The following SPHKAP variants were observed in gnomAD, a reference collection of about 807,000 sequenced individuals.
The protein encoded by SPHKAP is A-kinase anchor protein SPHKAP.
SPHKAP carries 67 observed loss-of-function variants against 137.5 expected under a neutral mutation model. The ratio of observed to expected loss-of-function variants is 0.49; its 90% CI spans 0.40 to 0.60. The LOEUF (loss-of-function observed/expected upper bound fraction) is 0.60. Among genes scored for constraint, SPHKAP ranks in the 20% least tolerant of loss-of-function variants. The probability of loss-of-function intolerance (pLI) is 0.00; values close to 1 mark genes in which losing one functional copy is unlikely to be tolerated. For synonymous variants in SPHKAP, 813 were observed against 785.3 expected (o/e 1.04, Z -0.59); for missense variants, 2,097 against 2,069.3 (o/e 1.01, Z -0.26).
intron 1 of SPHKAP, among the ~76,000 whole-genome samples, chr2:228,136,407 A>G (rs1699441533): frequency 6.6e-6 from 1 of 152,248 alleles, no homozygotes; most frequent in Non-Finnish European, 1.5e-5. Flanking sequence ...AGCTTTCTTT[A>G]TAGAACAATT....
intron 3 of SPHKAP, among the ~76,000 whole-genome samples, chr2:228,055,661 C>A (rs549913671): frequency 4.4e-4 from 67 of 152,298 alleles, no homozygotes; most frequent in Non-Finnish European, 2.1e-4. Flanking sequence ...CTGGCGACCC[C>A]TTTCTTAGAG....
intron 1 of SPHKAP, among the ~76,000 whole-genome samples, chr2:228,140,592 C>A (rs78762174): frequency 0.031 from 4,666 of 152,120 alleles, 238 homozygotes; most frequent in African/African-American, 0.1. Flanking sequence ...GAGGGTAACA[C>A]GTAATCCAAG....
chr2:228,038,777 C>T (rs1695730408), intron 3 of SPHKAP, among the ~76,000 whole-genome samples: 1 of 152,140 alleles, frequency 6.6e-6, no homozygotes, highest in African/African-American at 2.4e-5. Flanking sequence ...AATAAATTCT[C>T]GTTGGTGAGT....
chr2:227,985,386 A>G (rs1693175634), intron 11 of SPHKAP, among the ~76,000 whole-genome samples: 1 of 152,146 alleles, frequency 6.6e-6, no homozygotes, highest in Non-Finnish European at 1.5e-5. Context: ...AGAATGAAAA[A>G]AGATTGTGAA....
chr2:228,083,087 A>G (rs1186891602), intron 3 of SPHKAP, among the ~76,000 whole-genome samples: 1 of 152,232 alleles, frequency 6.6e-6, no homozygotes, highest in East Asian at 1.9e-4. Context: ...ACTTGTTAAT[A>G]TAGGAAAGTT....
chr2:228,027,689 C>A (rs767646977), intron 3 of SPHKAP, 146 bp from the exon 4 acceptor site: 4 of 812,116 alleles, frequency 4.9e-6, no homozygotes, highest in Non-Finnish European at 7.7e-6. Context: ...CATTTCAGGG[C>A]GGGCGCAGTG....
intron 3 of SPHKAP, among the ~76,000 whole-genome samples, chr2:228,102,972 T>G (rs1698224272): frequency 6.6e-6 from 1 of 152,174 alleles, no homozygotes; most frequent in Non-Finnish European, 1.5e-5. Context: ...CTCGAACTCC[T>G]GGGCTCAAGC....
At chr2:227,982,134 T>G (rs758639785) in intron 11 of SPHKAP, 1 of 985,148 alleles carries the variant, frequency 1.0e-6, no homozygotes. Flanking sequence ...CTTTTTTTTT[T>G]AAGAGCCAGT....
At chr2:228,148,621 A>G (rs188187164) in intron 1 of SPHKAP, among the ~76,000 whole-genome samples, 21 of 152,216 alleles carry the variant, frequency 1.4e-4, no homozygotes, top group Non-Finnish European at 2.8e-4. Flanking sequence ...ACTTGGCTTT[A>G]TAATCCCCTG....
At chr2:228,046,773 T>C (rs1263979272) in intron 3 of SPHKAP, among the ~76,000 whole-genome samples, 1 of 152,176 alleles carries the variant, frequency 6.6e-6, no homozygotes, top group Admixed American at 6.5e-5. Context: ...CAGGAGGTAA[T>C]TGAAGGATAT....
intron 3 of SPHKAP, among the ~76,000 whole-genome samples, chr2:228,047,842 T>A (rs1271663587): frequency 6.6e-6 from 1 of 152,128 alleles, no homozygotes; most frequent in Non-Finnish European, 1.5e-5. Flanking sequence ...AAACTAAAAA[T>A]TGATACTGAA....
At chr2:228,075,229 A>G (rs1277531305) in intron 3 of SPHKAP, among the ~76,000 whole-genome samples, 1 of 152,240 alleles carries the variant, frequency 6.6e-6, no homozygotes, top group Admixed American at 6.5e-5. Flanking sequence ...TGTGCCACAA[A>G]TGTAGTAACA....
chr2:228,095,612 G>A (rs1206436419), intron 3 of SPHKAP, among the ~76,000 whole-genome samples: 2 of 152,128 alleles, frequency 1.3e-5, no homozygotes, highest in Non-Finnish European at 2.9e-5. Flanking sequence ...GGTAAGAAAC[G>A]TGAGCTAGAG....
intron 3 of SPHKAP, among the ~76,000 whole-genome samples, chr2:228,096,219 T>A (rs962849488): frequency 6.6e-6 from 1 of 152,122 alleles, no homozygotes; most frequent in African/African-American, 2.4e-5. Flanking sequence ...TGAGGGCTGA[T>A]CAGGAGGCAG....
At chr2:228,177,195 C>CTTTTTT (rs199526972) in intron 1 of SPHKAP, among the ~76,000 whole-genome samples, 1 of 144,130 alleles carries the variant, frequency 6.9e-6, no homozygotes, top group Non-Finnish European at 1.5e-5. Flanking sequence ...TCTTTTAAGC[C>CTTTTTT]TTTTTTTTTT....
intron 3 of SPHKAP, among the ~76,000 whole-genome samples, chr2:228,035,005 A>C (rs1353299214): frequency 6.6e-6 from 1 of 150,566 alleles, no homozygotes; most frequent in Non-Finnish European, 1.5e-5. Context: ...ACTCCTATTC[A>C]ACATAGTGTT....
At chr2:228,020,220 T>C (rs921847479) in intron 6 of SPHKAP, 64 bp from the exon 7 acceptor site, 16 of 1,512,336 alleles carry the variant, frequency 1.1e-5, no homozygotes, top group African/African-American at 1.4e-5. Context: ...AAGTCTTAAG[T>C]AATAATTACT....
At chr2:228,008,625 A>G (rs894612442) in intron 7 of SPHKAP, among the ~76,000 whole-genome samples, 4 of 151,884 alleles carry the variant, frequency 2.6e-5, no homozygotes, top group African/African-American at 9.6e-5. Context: ...TTGTGTTTAC[A>G]TTTAGGTCTG....
At position 228,108,861 on chromosome 2, in the gene SPHKAP, C is replaced by A. The variant is rs763293484; in HGVS notation, c.217G>T (p.Val73Leu). ...NQRMPCQIGFVEDKSENCASV... is the reference protein window; with the variant it reads ...NQRMPCQIGFLEDKSENCASV... ...GCACAGTTTTCAGACTTGTCTTCTA[C>A]AAAACCAATTTGGCAGGGCATCCTC... The change falls in exon 3 of 12, where the codon GTA (valine) becomes TTA (leucine). Residue 73 changes from valine to leucine, a missense_variant. Coordinates refer to ENST00000392056, the MANE Select transcript of SPHKAP (RefSeq NM_001142644.2). 1 of 1,610,508 alleles carries A rather than the reference C, an allele frequency of 6.2e-7. No individual in the cohort carries two copies. Among genetic ancestry groups the A allele is most frequent in the Non-Finnish European group, 8.5e-7 (1 of 1,179,196 alleles).
Sources: gnomAD v4.1 joint callset for allele counts (sites outside exome capture counted in the v4.1 genomes callset) on GRCh38, gnomAD v4.1.1 for gene constraint, MANE v1.5 for transcripts, NCBI Gene and HGNC (gene_info 2026-07-23, HGNC 2026-07-21) for gene names.